The following CACNG2 variants were observed in gnomAD, a reference collection of about 807,000 sequenced individuals.
The protein encoded by CACNG2 is voltage-dependent calcium channel gamma-2 subunit.
In CACNG2, 3 loss-of-function variants were observed where a neutral mutation model predicts 25.9. The observed-to-expected ratio is 0.12, with a 90% CI of 0.05 to 0.30. The LOEUF is 0.30. Ranked by LOEUF, CACNG2 falls within the 10% of genes least tolerant of loss-of-function variation. The probability of loss-of-function intolerance (pLI) is 1.00; values close to 1 mark genes in which losing one functional copy is unlikely to be tolerated. For missense variants in CACNG2, 341 were observed against 432.5 expected (o/e 0.79, Z 1.88); for synonymous variants, 167 against 173.3 (o/e 0.96, Z 0.29).
Position 36,563,585 on chromosome 22 carries a change from C to T in CACNG2, c.*766G>A, listed in dbSNP as rs995799109. ...CCAGGCAAGCCCCAAGTGTACCCCC[C>T]TCCAGGCACCCTAACGGAGAGGAGG... is the stretch of plus-strand genomic sequence containing the variant. On this transcript the variant is annotated 3_prime_UTR_variant, in exon 4 of 4. Coordinates refer to ENST00000300105, the MANE Select transcript of CACNG2 (RefSeq NM_006078.5). 6.6e-6 allele frequency among the ~76,000 whole-genome samples: 1 copy of T among 152,178 alleles called. No homozygotes were observed. The highest frequency in any genetic ancestry group is 6.5e-5 in the Admixed American group (1 of 15,292).
In CACNG2 at chr22:36,570,875, G is replaced by C. The variant is rs16996938; in HGVS notation, c.296-4382C>G. On this transcript the variant is annotated intron_variant, in intron 2 of 3. Coordinates refer to ENST00000300105, the MANE Select transcript of CACNG2 (RefSeq NM_006078.5). ...AGGTGGGAAGGAAGCTGGTTTAGGA[G>C]CAAGCAGGGACTTCTACATTGGAGA... Among the ~76,000 whole-genome samples, 1,041 of 152,110 alleles carry C rather than the reference G, an allele frequency of 6.8e-3. 13 individuals carry two copies. The highest frequency in any genetic ancestry group is 0.023 in the African/African-American group (972 of 41,486).
chr22:36,611,478 A>T (rs545920887), intron 1 of CACNG2, among the ~76,000 whole-genome samples: 6 of 152,322 alleles, frequency 3.9e-5, no homozygotes, highest in Admixed American at 6.5e-5. Context: ...AAGGGCAATG[A>T]AGCTCAAGGC....
intron 2 of CACNG2, among the ~76,000 whole-genome samples, chr22:36,569,173 C>A (rs1935181991): frequency 6.6e-6 from 1 of 152,062 alleles, no homozygotes; most frequent in African/African-American, 2.4e-5. Context: ...TGTTAAACAC[C>A]CATTCGGTGT....
At chr22:36,640,925 G>A (rs1936434682) in intron 1 of CACNG2, among the ~76,000 whole-genome samples, 1 of 151,900 alleles carries the variant, frequency 6.6e-6, no homozygotes, top group South Asian at 2.1e-4. Flanking sequence ...CATCCACGCT[G>A]TTCTCTCCCA....
intron 1 of CACNG2, among the ~76,000 whole-genome samples, chr22:36,628,972 G>A (rs1306826924): frequency 6.9e-6 from 1 of 143,946 alleles, no homozygotes; most frequent in African/African-American, 2.9e-5. Flanking sequence ...AAACCCCAGG[G>A]AGAGCTTGGC....
chr22:36,574,854 T>C (rs1273426449), intron 2 of CACNG2, among the ~76,000 whole-genome samples: 1 of 151,920 alleles, frequency 6.6e-6, no homozygotes, highest in Non-Finnish European at 1.5e-5. Flanking sequence ...GATCAAAGGT[T>C]TGGTTTTGGA....
intron 1 of CACNG2, among the ~76,000 whole-genome samples, chr22:36,627,597 G>A (rs145232313): frequency 5.5e-4 from 83 of 151,424 alleles, no homozygotes; most frequent in African/African-American, 2.0e-3. Context: ...CTGTTGGCAA[G>A]TTGCCATGGA....
chr22:36,580,117 G>T (rs906227772), intron 2 of CACNG2, among the ~76,000 whole-genome samples: 1 of 152,190 alleles, frequency 6.6e-6, no homozygotes, highest in African/African-American at 2.4e-5. Flanking sequence ...TCATGGCAAT[G>T]CTAGGAAGAT....
intron 1 of CACNG2, among the ~76,000 whole-genome samples, chr22:36,645,492 G>A (rs1324827446): frequency 1.0e-4 from 15 of 146,438 alleles, no homozygotes; most frequent in East Asian, 6.1e-4. Flanking sequence ...AGCTGAGATC[G>A]CGCCACTGCA....
rs549913071 is a variant in CACNG2, at chr22:36,610,585, T to C, written c.212-23037A>G. On this transcript the variant is annotated intron_variant, in intron 1 of 3. Transcript: ENST00000300105. ...GATGAGAAGGCCAGAATCTTTGCTC[T>C]GAAATCTTCACAGATGAGGGGCAGG... Among the ~76,000 whole-genome samples the C allele has an allele frequency of 7.6e-4, 115 of 152,314 alleles. 1 individual carries two copies. The highest frequency in any genetic ancestry group is 1.9e-3 in the Admixed American group (29 of 15,306).
chr22:36,693,007 A>G (rs979488492), intron 1 of CACNG2, among the ~76,000 whole-genome samples: 7 of 152,120 alleles, frequency 4.6e-5, no homozygotes, highest in Admixed American at 3.3e-4. Context: ...TTAGATAAGC[A>G]TGGTGGTGTG....
chr22:36,591,601 T>C (rs1376944319), intron 1 of CACNG2, among the ~76,000 whole-genome samples: 1 of 151,984 alleles, frequency 6.6e-6, no homozygotes, highest in African/African-American at 2.4e-5. Context: ...TGAACCCAGG[T>C]GTTCGAGGCT....
rs1937428365 is a variant in CACNG2, at chr22:36,702,849, AAG to A, written c.-275_-274del. 1.4e-5 allele frequency: 4 copies of A among 277,600 alleles called. No homozygotes were observed. The highest frequency in any genetic ancestry group is 1.4e-4 in the South Asian group (2 of 14,618). The allele number at this position is 277,600 out of a possible 1,614,324, so 17.2% of individuals were successfully genotyped here. ...CCAGTTGCAGTGTTTTTTTTTTAAA[AAG>A]AAAAGGAAAAAAAAAATAAAAAGAC... On this transcript the variant is annotated 5_prime_UTR_variant, in exon 1 of 4. Coordinates refer to ENST00000300105, the MANE Select transcript of CACNG2 (RefSeq NM_006078.5).
chr22:36,572,882 G>A (rs946156102), intron 2 of CACNG2, among the ~76,000 whole-genome samples: 1 of 152,138 alleles, frequency 6.6e-6, no homozygotes, highest in Non-Finnish European at 1.5e-5. Context: ...GAGCAAATAT[G>A]GACTGAGTGC....
At chr22:36,568,804 T>TG (rs1284746557) in intron 2 of CACNG2, among the ~76,000 whole-genome samples, 1 of 130,258 alleles carries the variant, frequency 7.7e-6, no homozygotes, top group African/African-American at 3.0e-5. Context: ...GTGGGTTATT[T>TG]GGGGGGGACC....
intron 1 of CACNG2, among the ~76,000 whole-genome samples, chr22:36,652,583 A>T (rs557761222): frequency 8.0e-4 from 122 of 152,258 alleles, no homozygotes; most frequent in Middle Eastern, 3.4e-3. Context: ...CAAAACCCCC[A>T]TATACCTGTT....
intron 1 of CACNG2, among the ~76,000 whole-genome samples, chr22:36,592,071 A>G (rs5756248): frequency 0.93 from 141,233 of 151,908 alleles, 65,747 homozygotes; most frequent in African/African-American, 0.97. Flanking sequence ...CATTTGTGGC[A>G]TGGGTGCAGT....
intron 2 of CACNG2, among the ~76,000 whole-genome samples, chr22:36,569,013 C>T (rs1935179237): frequency 6.6e-6 from 1 of 152,038 alleles, no homozygotes; most frequent in Non-Finnish European, 1.5e-5. Flanking sequence ...ACGCTGTATC[C>T]CTAACCTGAT....
intron 2 of CACNG2, among the ~76,000 whole-genome samples, chr22:36,574,039 G>T (rs1032185658): frequency 2.0e-5 from 3 of 152,154 alleles, no homozygotes; most frequent in Non-Finnish European, 2.9e-5. Flanking sequence ...CAGTGGAGGA[G>T]TGTGGGGAGC....
Sources: allele counts gnomAD v4.1 joint callset (sites outside exome capture counted in the v4.1 genomes callset), GRCh38; gene constraint gnomAD v4.1.1; transcripts MANE v1.5; gene names NCBI Gene and HGNC (gene_info 2026-07-23, HGNC 2026-07-21).